Variants in KCNK13 observed in about 807,000 individuals in gnomAD.
KCNK13 encodes the protein potassium channel subfamily K member 13.
A neutral mutation model predicts 23.4 loss-of-function variants in KCNK13; 12 were observed. The ratio of observed to expected loss-of-function variants is 0.51; its 90% CI spans 0.33 to 0.83. The LOEUF is 0.83. Among genes scored for constraint, KCNK13 ranks in the 40% least tolerant of loss-of-function variants. The pLI is 0.02. For synonymous variants in KCNK13, 231 were observed against 229.5 expected (o/e 1.01, Z -0.06); for missense variants, 463 against 556.3 (o/e 0.83, Z 1.69).
intron 1 of KCNK13, among the ~76,000 whole-genome samples, chr14:90,132,100 A>C (rs942961493): frequency 2.0e-5 from 3 of 152,272 alleles, no homozygotes; most frequent in African/African-American, 7.2e-5. Flanking sequence ...ATTTAGCCTT[A>C]AAAAGAAGGG....
At chr14:90,124,483 T>C (rs929515869) in intron 1 of KCNK13, among the ~76,000 whole-genome samples, 4 of 152,232 alleles carry the variant, frequency 2.6e-5, no homozygotes, top group Non-Finnish European at 5.9e-5. Flanking sequence ...CACCCACCAT[T>C]GCTGCCTTTT....
chr14:90,107,306 C>T (rs962830723), intron 1 of KCNK13, among the ~76,000 whole-genome samples: 4 of 152,092 alleles, frequency 2.6e-5, no homozygotes, highest in Non-Finnish European at 4.4e-5. Flanking sequence ...GGTGAAACCC[C>T]ATCTCTACTA....
chr14:90,137,395 A>G (rs1391563562), intron 1 of KCNK13, among the ~76,000 whole-genome samples: 2 of 151,962 alleles, frequency 1.3e-5, no homozygotes, highest in Non-Finnish European at 2.9e-5. Flanking sequence ...ATCTCGGCTC[A>G]CTTCAACTTC....
At chr14:90,140,404 G>A (rs1039690408) in intron 1 of KCNK13, among the ~76,000 whole-genome samples, 3 of 152,100 alleles carry the variant, frequency 2.0e-5, no homozygotes, top group African/African-American at 4.8e-5. Context: ...ACATTTTAAC[G>A]TACCGTACTA....
In KCNK13 at chr14:90,184,060, C is replaced by T. The variant is rs776989315; in HGVS notation, c.335-51C>T. The T allele has an allele frequency of 2.6e-6, 4 of 1,534,764 alleles. No individual in the cohort carries two copies. The highest frequency in any genetic ancestry group is 3.6e-5 in the Admixed American group (2 of 56,168). ...GCCATCAAAGCCAAGACCTAGACCC[C>T]ATTCACAGCAAAGATTTCTCTTACT... is the stretch of plus-strand genomic sequence containing the variant. On this transcript the variant is annotated intron_variant, in intron 1 of 1. Coordinates refer to ENST00000282146, the MANE Select transcript of KCNK13 (RefSeq NM_022054.4). The surrounding 1 kb of genome is among the most constrained non-coding windows in gnomAD (Gnocchi z 5.6).
chr14:90,078,380 A>G (rs957204748), intron 1 of KCNK13, among the ~76,000 whole-genome samples: 1 of 141,964 alleles, frequency 7.0e-6, no homozygotes, highest in Non-Finnish European at 1.5e-5. Context: ...AGGTCATGCC[A>G]TTGTACTCCA....
At chr14:90,131,555 T>C (rs1889872088) in intron 1 of KCNK13, among the ~76,000 whole-genome samples, 1 of 151,750 alleles carries the variant, frequency 6.6e-6, no homozygotes, top group Admixed American at 6.6e-5. Flanking sequence ...TCAGAAAGAG[T>C]GTCACTCTGT....
At chr14:90,071,665 A>G (rs1026025248) in intron 1 of KCNK13, among the ~76,000 whole-genome samples, 28 of 152,186 alleles carry the variant, frequency 1.8e-4, no homozygotes, top group African/African-American at 6.5e-4. Context: ...TTGGGAGGCC[A>G]AGGTGGGCAG....
intron 1 of KCNK13, among the ~76,000 whole-genome samples, chr14:90,140,653 C>T (rs1889994842): frequency 6.6e-6 from 1 of 152,100 alleles, no homozygotes; most frequent in Non-Finnish European, 1.5e-5. Context: ...CCTGCTGTAC[C>T]CTCCGAATTA....
At chr14:90,159,554 A>G (rs1890229841) in intron 1 of KCNK13, among the ~76,000 whole-genome samples, 1 of 152,186 alleles carries the variant, frequency 6.6e-6, no homozygotes, top group Non-Finnish European at 1.5e-5. Context: ...AAGGTGTACA[A>G]TGGAAGACCC....
chr14:90,115,982 G>A (rs1889672612), intron 1 of KCNK13, among the ~76,000 whole-genome samples: 1 of 152,154 alleles, frequency 6.6e-6, no homozygotes, highest in Non-Finnish European at 1.5e-5. Context: ...AGAAGGTTCT[G>A]TGTTTCTTTG....
intron 1 of KCNK13, among the ~76,000 whole-genome samples, chr14:90,132,976 G>A (rs775800689): frequency 7.9e-5 from 12 of 151,898 alleles, no homozygotes; most frequent in Non-Finnish European, 1.6e-4. Context: ...CCATTTTCAC[G>A]TTGGAACAGC....
intron 1 of KCNK13, among the ~76,000 whole-genome samples, chr14:90,072,985 G>T (rs1889093938): frequency 6.6e-6 from 1 of 152,108 alleles, no homozygotes; most frequent in Non-Finnish European, 1.5e-5. Context: ...CTCTCATGTT[G>T]CAAACAAGGA....
Position 90,184,651 on chromosome 14 carries a change from G to A in KCNK13, c.875G>A (p.Arg292Lys), listed in dbSNP as rs199678462. Residue 292 changes from arginine to lysine, a missense_variant, in exon 2 of 2, where the codon AGG becomes AAG. Arg to Lys is a conservative substitution (Grantham distance 26). Transcript: ENST00000282146. This position sits in a 1 kb window ranked among gnomAD's most constrained non-coding sequence, Gnocchi z 5.6. Reference sequence around the variant, plus strand: ...AAACAGTCCTTGAACTGGATCCTGAGGAAAATGGACAGCGGGTGCTGCCCG... The same window carrying A: ...AAACAGTCCTTGAACTGGATCCTGAAGAAAATGGACAGCGGGTGCTGCCCG... ...LIKQSLNWIL[R>K]KMDSGCCPQC... is the part of the protein sequence containing the mutation. 3 of 1,614,236 alleles carry A rather than the reference G, an allele frequency of 1.9e-6. No homozygotes were observed. Among genetic ancestry groups the A allele is most frequent in the East Asian group, 2.2e-5 (1 of 44,878 alleles).
intron 1 of KCNK13, among the ~76,000 whole-genome samples, chr14:90,103,020 G>C (rs1889500422): frequency 6.6e-6 from 1 of 152,146 alleles, no homozygotes; most frequent in Non-Finnish European, 1.5e-5. Context: ...TTATAAGTGA[G>C]AACATGCAGT....
At chr14:90,169,018 G>A (rs991895495) in intron 1 of KCNK13, among the ~76,000 whole-genome samples, 2 of 152,102 alleles carry the variant, frequency 1.3e-5, no homozygotes, top group African/African-American at 2.4e-5. Context: ...CCAACCGTGT[G>A]GAGCTGTGAG....
At chr14:90,104,554 A>G (rs142288785) in intron 1 of KCNK13, among the ~76,000 whole-genome samples, 162 of 152,080 alleles carry the variant, frequency 1.1e-3, no homozygotes, top group African/African-American at 3.6e-3. Context: ...TATCTTTTTT[A>G]TGTCTTTGAA....
At chr14:90,100,250 G>A (rs193093706) in intron 1 of KCNK13, among the ~76,000 whole-genome samples, 42 of 152,262 alleles carry the variant, frequency 2.8e-4, no homozygotes, top group African/African-American at 9.4e-4. Context: ...ATGTAAACAC[G>A]TGAGTCCATG....
At chr14:90,141,400 G>A (rs1372635824) in intron 1 of KCNK13, among the ~76,000 whole-genome samples, 1 of 152,190 alleles carries the variant, frequency 6.6e-6, no homozygotes, top group Non-Finnish European at 1.5e-5. Flanking sequence ...AGCGATTTAG[G>A]TAAGGAACAG....
Sources: gnomAD v4.1 joint callset for allele counts (sites outside exome capture counted in the v4.1 genomes callset) on GRCh38, gnomAD v4.1.1 for gene constraint, Gnocchi (gnomAD v3.1) non-coding constraint, MANE v1.5 for transcripts, NCBI Gene and HGNC (gene_info 2026-07-23, HGNC 2026-07-21) for gene names.